NRXN3: variants seen among roughly 807,000 people sequenced by gnomAD.
NRXN3 encodes the protein neurexin III.
In NRXN3, 32 loss-of-function variants were observed where a neutral mutation model predicts 137.6. That is an observed-to-expected ratio of 0.23 (90% CI 0.18 to 0.31). NRXN3 has a LOEUF of 0.31. NRXN3 is among the 10% of genes least tolerant of loss of function. The pLI is 1.00. For missense variants in NRXN3, 1,574 were observed against 2,062.5 expected (o/e 0.76, Z 4.59); for synonymous variants, 798 against 784.5 (o/e 1.02, Z -0.29).
chr14:79,818,651 AT>A (rs971966687), intron 20 of NRXN3, among the ~76,000 whole-genome samples: 4 of 152,148 alleles, frequency 2.6e-5, no homozygotes, highest in Admixed American at 2.6e-4. Context: ...AGTTGTAACT[AT>A]TTGTTTATCC....
intron 4 of NRXN3, among the ~76,000 whole-genome samples, chr14:78,492,528 G>T (rs2095688041): frequency 6.6e-6 from 1 of 152,018 alleles, no homozygotes. Flanking sequence ...TTTAGTATTG[G>T]TATAGTATAA....
At chr14:78,701,911 A>G (rs1297169693) in intron 6 of NRXN3, among the ~76,000 whole-genome samples, 1 of 152,216 alleles carries the variant, frequency 6.6e-6, no homozygotes, top group Non-Finnish European at 1.5e-5. Flanking sequence ...CAAAATATAA[A>G]GCATGAAAAT....
At chr14:79,213,624 T>TG (rs1568627342) in intron 15 of NRXN3, among the ~76,000 whole-genome samples, 11 of 148,238 alleles carry the variant, frequency 7.4e-5, no homozygotes, top group African/African-American at 2.3e-4. Flanking sequence ...CCCTTTTTTT[T>TG]TGGGGGGGGG....
intron 15 of NRXN3, among the ~76,000 whole-genome samples, chr14:79,153,441 C>T (rs947305433): frequency 6.6e-6 from 1 of 151,792 alleles, no homozygotes; most frequent in African/African-American, 2.4e-5. Context: ...AACTCCTAGG[C>T]AATCAGAGCA....
At chr14:79,751,996 G>A (rs2098999498) in intron 19 of NRXN3, among the ~76,000 whole-genome samples, 1 of 152,094 alleles carries the variant, frequency 6.6e-6, no homozygotes, top group Non-Finnish European at 1.5e-5. Context: ...GAGGATTTTT[G>A]CATCAATGTT....
At chr14:79,534,380 A>C (rs1490331853) in intron 16 of NRXN3, among the ~76,000 whole-genome samples, 4 of 152,200 alleles carry the variant, frequency 2.6e-5, no homozygotes, top group Non-Finnish European at 5.9e-5. Flanking sequence ...AATCCCATCA[A>C]CTTAATATAT....
At chr14:79,080,307 A>G (rs1172167249) in intron 15 of NRXN3, among the ~76,000 whole-genome samples, 1 of 152,194 alleles carries the variant, frequency 6.6e-6, no homozygotes, top group African/African-American at 2.4e-5. Flanking sequence ...CTAATAATAA[A>G]CACTGGGCAG....
chr14:79,688,879 G>T (rs1359591788), intron 17 of NRXN3, among the ~76,000 whole-genome samples: 1 of 152,138 alleles, frequency 6.6e-6, no homozygotes, highest in Non-Finnish European at 1.5e-5. Flanking sequence ...ATCAAAAATA[G>T]ATGGGAATAA....
chr14:79,510,830 G>A (rs10130663), intron 16 of NRXN3, among the ~76,000 whole-genome samples: 63,948 of 151,924 alleles, frequency 0.42, 13,762 homozygotes, highest in African/African-American at 0.52. Context: ...TCAAGGCAGC[G>A]TGGCATGGGA....
chr14:78,974,964 A>G (rs1257491288), intron 14 of NRXN3, among the ~76,000 whole-genome samples: 5 of 152,252 alleles, frequency 3.3e-5, no homozygotes, highest in Non-Finnish European at 7.3e-5. Context: ...AGATGAGTCA[A>G]CAGCTTAAGT....
chr14:78,302,511 T>A (rs556020311), intron 4 of NRXN3, among the ~76,000 whole-genome samples: 1 of 152,194 alleles, frequency 6.6e-6, no homozygotes, highest in Non-Finnish European at 1.5e-5. Context: ...TACTCTATAC[T>A]GTCTTTCCCG....
At chr14:78,914,879 G>T (rs1158262855) in intron 10 of NRXN3, among the ~76,000 whole-genome samples, 11 of 152,058 alleles carry the variant, frequency 7.2e-5, no homozygotes, top group Non-Finnish European at 1.6e-4. Context: ...TTTGGGAGTG[G>T]TTGACACAAA....
intron 15 of NRXN3, among the ~76,000 whole-genome samples, chr14:79,326,125 A>G (rs1347859642): frequency 6.6e-6 from 1 of 152,164 alleles, no homozygotes; most frequent in Non-Finnish European, 1.5e-5. Context: ...ACATTTGCTT[A>G]GTATTTGTGC....
intron 10 of NRXN3, among the ~76,000 whole-genome samples, chr14:78,943,987 G>A (rs2099360391): frequency 6.6e-6 from 1 of 151,946 alleles, no homozygotes; most frequent in African/African-American, 2.4e-5. Flanking sequence ...GATGGCAGGT[G>A]GTGAGAGAGA....
At chr14:78,335,575 T>C (rs2081367694) in intron 4 of NRXN3, among the ~76,000 whole-genome samples, 1 of 152,246 alleles carries the variant, frequency 6.6e-6, no homozygotes, top group South Asian at 2.1e-4. Context: ...TCAAAAGCTT[T>C]GATTATGAGT....
At chr14:79,140,240 G>C (rs2058666047) in intron 15 of NRXN3, among the ~76,000 whole-genome samples, 1 of 152,090 alleles carries the variant, frequency 6.6e-6, no homozygotes, top group Non-Finnish European at 1.5e-5. Flanking sequence ...TAGATTCTTG[G>C]TTTGGTCATA....
At chr14:78,802,492 C>T (rs1284589752) in intron 8 of NRXN3, among the ~76,000 whole-genome samples, 2 of 152,148 alleles carry the variant, frequency 1.3e-5, no homozygotes, top group African/African-American at 4.8e-5. Context: ...ATGTAACTAA[C>T]CTGCACGTTG....
intron 7 of NRXN3, among the ~76,000 whole-genome samples, chr14:78,710,839 C>T (rs2098401175): frequency 6.6e-6 from 1 of 152,176 alleles, no homozygotes; most frequent in Non-Finnish European, 1.5e-5. Context: ...GATTGCAGCC[C>T]TGGCTATTTT....
chr14:78,223,607 T>C (rs933662830), intron 1 of NRXN3, among the ~76,000 whole-genome samples: 38 of 152,150 alleles, frequency 2.5e-4, no homozygotes, highest in African/African-American at 8.7e-4. Flanking sequence ...GGTTTCAGCG[T>C]TGGGTTGTGC....
Sources: allele counts gnomAD v4.1 joint callset (sites outside exome capture counted in the v4.1 genomes callset), GRCh38; gene constraint gnomAD v4.1.1; transcripts MANE v1.5; gene names NCBI Gene and HGNC (gene_info 2026-07-23, HGNC 2026-07-21).